The following FGF12 variants were observed in gnomAD, a reference collection of about 807,000 sequenced individuals.
FGF12 encodes the protein fibroblast growth factor 12.
In FGF12, 14 loss-of-function variants were observed where a neutral mutation model predicts 23.6. The ratio of observed to expected loss-of-function variants is 0.59; its 90% CI spans 0.39 to 0.93. The LOEUF (loss-of-function observed/expected upper bound fraction) is 0.93, where lower values mean the gene tolerates loss of function less well. FGF12 is among the 40% of genes least tolerant of loss of function. The pLI is 0.00. For synonymous variants in FGF12, 62 were observed against 77.3 expected (o/e 0.80, Z 1.04); for missense variants, 175 against 217.8 (o/e 0.80, Z 1.24).
At chr3:192,324,718 C>T (rs1041563284) in intron 4 of FGF12, among the ~76,000 whole-genome samples, 3 of 152,116 alleles carry the variant, frequency 2.0e-5, no homozygotes, top group Non-Finnish European at 4.4e-5. Context: ...TCACTGATGA[C>T]TAAAGAAATA....
intron 2 of FGF12, among the ~76,000 whole-genome samples, chr3:192,654,504 T>G (rs941043691): frequency 4.6e-5 from 7 of 152,230 alleles, no homozygotes; most frequent in Non-Finnish European, 7.3e-5. Flanking sequence ...TATTTAAGCA[T>G]AACAATAGCT....
intron 2 of FGF12, among the ~76,000 whole-genome samples, chr3:192,377,130 G>C (rs376187082): frequency 5.3e-5 from 8 of 152,286 alleles, no homozygotes; most frequent in African/African-American, 1.9e-4. Flanking sequence ...CATTGCCCTA[G>C]GTGGACACAT....
chr3:192,565,975 A>G (rs1712260316), intron 2 of FGF12, among the ~76,000 whole-genome samples: 1 of 152,070 alleles, frequency 6.6e-6, no homozygotes, highest in South Asian at 2.1e-4. Flanking sequence ...AAACCCAGCT[A>G]CTCGGGAGGC....
intron 4 of FGF12, among the ~76,000 whole-genome samples, chr3:192,206,558 G>C (rs1717657909): frequency 6.6e-6 from 1 of 152,062 alleles, no homozygotes. Flanking sequence ...CTGTGTTTTT[G>C]GTTTTTAGTC....
At chr3:192,669,602 T>TAAAA (rs59897483) in intron 2 of FGF12, among the ~76,000 whole-genome samples, 596 of 59,512 alleles carry the variant, frequency 0.01, 13 homozygotes, top group East Asian at 0.066. Context: ...GACTCTGTCT[T>TAAAA]AAAAAAAAAA....
intron 5 of FGF12, among the ~76,000 whole-genome samples, chr3:192,148,468 A>G (rs894717260): frequency 6.6e-6 from 1 of 152,190 alleles, no homozygotes; most frequent in African/African-American, 2.4e-5. Context: ...GGGATTTCTT[A>G]TTTAATGAGT....
intron 4 of FGF12, among the ~76,000 whole-genome samples, chr3:192,224,807 G>A (rs982863241): frequency 1.3e-5 from 2 of 152,154 alleles, no homozygotes; most frequent in African/African-American, 4.8e-5. Flanking sequence ...CCTCAGAGTA[G>A]TTCGAGTTGC....
At chr3:192,268,015 C>A (rs1164062493) in intron 4 of FGF12, among the ~76,000 whole-genome samples, 1 of 152,050 alleles carries the variant, frequency 6.6e-6, no homozygotes, top group African/African-American at 2.4e-5. Context: ...TCTTGTTCTC[C>A]CAAGGGATGG....
chr3:192,508,897 A>G (rs1724390456), intron 2 of FGF12, among the ~76,000 whole-genome samples: 1 of 152,166 alleles, frequency 6.6e-6, no homozygotes, highest in Non-Finnish European at 1.5e-5. Flanking sequence ...TTCTACCATT[A>G]AACATTAAAT....
intron 2 of FGF12, among the ~76,000 whole-genome samples, chr3:192,463,838 T>C (rs1002221588): frequency 6.6e-6 from 1 of 152,174 alleles, no homozygotes; most frequent in African/African-American, 2.4e-5. Flanking sequence ...AGTTTCTGTT[T>C]TTGTTTTTTT....
At chr3:192,274,631 T>C (rs902489130) in intron 4 of FGF12, among the ~76,000 whole-genome samples, 18 of 152,132 alleles carry the variant, frequency 1.2e-4, no homozygotes, top group Admixed American at 8.5e-4. Context: ...TGGTTTCTAC[T>C]TACAGCTACT....
chr3:192,353,882 A>G (rs180947722), intron 3 of FGF12, among the ~76,000 whole-genome samples: 1 of 152,376 alleles, frequency 6.6e-6, no homozygotes, highest in Non-Finnish European at 1.5e-5. Flanking sequence ...ACAAATTTCT[A>G]ACAAATTTAG....
chr3:192,708,930 T>C (rs1302191494), intron 2 of FGF12, among the ~76,000 whole-genome samples: 2 of 152,240 alleles, frequency 1.3e-5, no homozygotes, highest in Non-Finnish European at 2.9e-5. Context: ...TTGAACAATA[T>C]ATTTTTATAG....
intron 4 of FGF12, among the ~76,000 whole-genome samples, chr3:192,334,139 G>C (rs535209957): frequency 6.6e-6 from 1 of 152,130 alleles, no homozygotes; most frequent in South Asian, 2.1e-4. Context: ...TGGCAGGTCC[G>C]AGCTTAGGCA....
chr3:192,556,325 A>G (rs1340564004), intron 2 of FGF12, among the ~76,000 whole-genome samples: 4 of 152,220 alleles, frequency 2.6e-5, no homozygotes, highest in Admixed American at 6.5e-5. Context: ...AAGAGATGGA[A>G]AAGATTTTCC....
At chr3:192,272,109 G>C (rs1713478689) in intron 4 of FGF12, among the ~76,000 whole-genome samples, 1 of 152,126 alleles carries the variant, frequency 6.6e-6, no homozygotes. Flanking sequence ...AAAATTCAGA[G>C]AGCTGCATTA....
intron 3 of FGF12, among the ~76,000 whole-genome samples, chr3:192,344,008 A>G (rs1560078346): frequency 1.1e-4 from 16 of 151,996 alleles, no homozygotes; most frequent in Non-Finnish European, 1.5e-5. Flanking sequence ...TGAGGTTGCA[A>G]TTTTTTGAAT....
chr3:192,360,528 G>A lies in FGF12; in HGVS notation c.24C>T (p.Leu8=), dbSNP rs139894109. The change falls in exon 3 of 6, where the codon CTC becomes CTT. Residue 8 remains leucine (L), a synonymous_variant. Transcript: ENST00000445105. The surrounding 1 kb of genome is among the most constrained non-coding windows in gnomAD (Gnocchi z 4.3). MESKEPQ[L]KGIVTRLFSQ... ...TGAATAACCTTGTCACAATCCCTTTGAGCTGGGGTTCTGCAAAACAAAATA... is the reference window on the plus strand; with the variant it reads ...TGAATAACCTTGTCACAATCCCTTTAAGCTGGGGTTCTGCAAAACAAAATA... 1 of 1,612,950 alleles carries A rather than the reference G, an allele frequency of 6.2e-7. No individual in the cohort carries two copies.
intron 4 of FGF12, among the ~76,000 whole-genome samples, chr3:192,239,116 G>C (rs1719460867): frequency 6.6e-6 from 1 of 152,122 alleles, no homozygotes; most frequent in Non-Finnish European, 1.5e-5. Context: ...GTAACATGTA[G>C]AAGTGTACAT....
Sources: gnomAD v4.1 joint callset for allele counts (sites outside exome capture counted in the v4.1 genomes callset) on GRCh38, gnomAD v4.1.1 for gene constraint, Gnocchi (gnomAD v3.1) non-coding constraint, MANE v1.5 for transcripts, NCBI Gene and HGNC (gene_info 2026-07-23, HGNC 2026-07-21) for gene names.